Variants in CREB3L3 observed in about 807,000 individuals in gnomAD.
CREB3L3 encodes the protein cAMP responsive element binding protein 3 like 3.
In CREB3L3, 40 loss-of-function variants were observed where a neutral mutation model predicts 44.6. The observed-to-expected ratio is 0.90, with a 90% CI of 0.70 to 1.17. The LOEUF is 1.17. Ranked by LOEUF, CREB3L3 falls within the 50% of genes most tolerant of loss-of-function variation. CREB3L3 has a pLI of 0.00. For missense variants in CREB3L3, 578 were observed against 595.8 expected (o/e 0.97, Z 0.31); for synonymous variants, 273 against 256.3 (o/e 1.06, Z -0.62).
rs1568277037 is a variant in CREB3L3, at chr19:4,154,913, CT to C, written c.43del (p.Cys15AlafsTer23). ...LAAGKMASAA[C>X]SMDPIDSFEL... ...TCGCGCCCCAGATGGCTTCTGCTGC[CT>C]GCTCCATGGACCCCATCGACAGCTT... On this transcript the variant is annotated frameshift_variant, in exon 2 of 10. Coordinates refer to ENST00000078445, the MANE Select transcript of CREB3L3 (RefSeq NM_032607.3). LOFTEE classifies it high-confidence loss of function. 1 of 1,613,714 alleles carries C rather than the reference CT, an allele frequency of 6.2e-7. No individual in the cohort carries two copies. Among genetic ancestry groups the C allele is most frequent in the East Asian group, 2.2e-5 (1 of 44,896 alleles).
Position 4,171,708 on chromosome 19 carries a change from T to G in CREB3L3, c.1125T>G (p.Ala375=). 8.1e-6 allele frequency: 13 copies of G among 1,613,310 alleles called. No homozygotes were observed. Among genetic ancestry groups the G allele is most frequent in the Non-Finnish European group, 1.1e-5 (13 of 1,180,018 alleles). The change falls in exon 10 of 10, where the codon GCT becomes GCG. Residue 375 remains alanine, a synonymous_variant. Transcript: ENST00000078445. The surrounding 1 kb of genome is among the most constrained non-coding windows in gnomAD (Gnocchi z 4.9). ...CTGCCTCCCGCGTGGCTGCTGATGC[T>G]GTGCCAGGCTCCGAGGCCCCAGGAC... ...NDAASRVAAD[A]VPGSEAPGPR... is the part of the protein sequence containing the mutation.
In CREB3L3 at chr19:4,171,088, A is replaced by G; in HGVS notation, c.891-3A>G. On this transcript the variant is annotated splice_region_variant and splice_polypyrimidine_tract_variant and intron_variant, in intron 7 of 9. Transcript: ENST00000078445. This position sits in a 1 kb window ranked among gnomAD's most constrained non-coding sequence, Gnocchi z 4.9. Reference sequence around the variant, plus strand: ...TCAGCGGAGGCCTGCCTGTCTCTCTAAGGTCCCTCTTGGAGCAACTGAAGA... The same window carrying G: ...TCAGCGGAGGCCTGCCTGTCTCTCTGAGGTCCCTCTTGGAGCAACTGAAGA... 1 of 1,613,176 alleles carries G rather than the reference A, an allele frequency of 6.2e-7. No individual in the cohort carries two copies. Among genetic ancestry groups the G allele is most frequent in the African/African-American group, 1.3e-5 (1 of 75,002 alleles).
intron 7 of CREB3L3, among the ~76,000 whole-genome samples, 153 bp from the exon 8 acceptor site, chr19:4,170,934 CAAAT>C (rs968725271): frequency 2.7e-5 from 4 of 147,146 alleles, no homozygotes; most frequent in African/African-American, 1.0e-4. Context: ...AATAAATAAA[CAAAT>C]AAATAAATAA....
intron 3 of CREB3L3, among the ~76,000 whole-genome samples, chr19:4,157,716 C>T (rs2041604241): frequency 6.6e-6 from 1 of 151,954 alleles, no homozygotes; most frequent in Non-Finnish European, 1.5e-5. Flanking sequence ...GACAGAGTTT[C>T]ACTCTGTCAC....
intron 5 of CREB3L3, among the ~76,000 whole-genome samples, chr19:4,167,339 A>AAAGAAAGG (rs1381994343): frequency 1.0e-5 from 1 of 95,310 alleles, no homozygotes; most frequent in Non-Finnish European, 2.2e-5. Flanking sequence ...GCGAAACAAG[A>AAAGAAAGG]AAGAAAGAAA....
chr19:4,157,359 G>C (rs564064429), intron 3 of CREB3L3, 64 bp downstream of exon 3: 1 of 1,564,636 alleles, frequency 6.4e-7, no homozygotes, highest in Non-Finnish European at 8.8e-7. Flanking sequence ...CTGTAAGTGA[G>C]GAAATGGAGG....
Position 4,171,883 on chromosome 19 carries a change from C to T in CREB3L3, c.1300C>T (p.Gln434Ter). Residue 434 changes from glutamine (Q) to a stop codon, truncating the protein, a stop_gained, in exon 10 of 10, where the codon CAG (glutamine) becomes TAG (stop). Coordinates refer to ENST00000078445, the MANE Select transcript of CREB3L3 (RefSeq NM_032607.3). LOFTEE classifies it low-confidence loss of function (END_TRUNC). The surrounding 1 kb of genome is among the most constrained non-coding windows in gnomAD (Gnocchi z 4.9). ...GAGGAATGCAACAGAGGGGCTGGGC[C>T]AGGTCGCCCTGCTGGACTGGGTGGC... The part of the protein sequence containing the change: ...VLRNATEGLG[Q>*]VALLDWVAPG... 3 of 1,613,160 alleles carry T rather than the reference C, an allele frequency of 1.9e-6. No homozygotes were observed. The highest frequency in any genetic ancestry group is 2.5e-6 in the Non-Finnish European group (3 of 1,179,898).
At chr19:4,167,977 A>ATTTATTT (rs1966955631) in intron 5 of CREB3L3, among the ~76,000 whole-genome samples, 2 of 124,242 alleles carry the variant, frequency 1.6e-5, no homozygotes, top group African/African-American at 5.7e-5. Context: ...TAATTATTTT[A>ATTTATTT]TTTATTTATT....
Position 4,172,874 on chromosome 19 carries a change from C to T in CREB3L3, c.*905C>T. ...ACGCACACACACAACAGATGCGCAG[C>T]AACTCCCCGCCCAGGGACCCCTCCC... On this transcript the variant is annotated 3_prime_UTR_variant, in exon 10 of 10. Coordinates refer to ENST00000078445, the MANE Select transcript of CREB3L3 (RefSeq NM_032607.3). 6.5e-6 allele frequency: 1 copy of T among 153,854 alleles called. No individual in the cohort carries two copies. 9.5% of individuals were successfully genotyped at this position (153,854 alleles called of 1,614,324 possible).
chr19:4,164,374 C>A, intron 4 of CREB3L3, 129 bp from the exon 5 acceptor site: 3 of 1,137,034 alleles, frequency 2.6e-6, no homozygotes, highest in Non-Finnish European at 3.9e-6. Context: ...TCTCTAAGTG[C>A]TGGGATGACA....
In CREB3L3 at chr19:4,172,250, C is replaced by G. The variant is rs968682921; in HGVS notation, c.*281C>G. 10 of 564,900 alleles carry G rather than the reference C, an allele frequency of 1.8e-5. No homozygotes were observed. In the African/African-American group the frequency reaches 1.9e-4, roughly 11 times the overall value. The allele number at this position is 564,900 out of a possible 1,614,324, so 35.0% of individuals were successfully genotyped here. On this transcript the variant is annotated 3_prime_UTR_variant, in exon 10 of 10. Transcript: ENST00000078445. The stretch of plus-strand genomic sequence containing the variant: ...AGACACACATACAGCCTGAAACAGA[C>G]CTGGACAGACAGACACAGCCTGAAA...
At chr19:4,158,068 G>A (rs936402730) in intron 3 of CREB3L3, among the ~76,000 whole-genome samples, 2 of 152,172 alleles carry the variant, frequency 1.3e-5, no homozygotes, top group South Asian at 2.1e-4. Context: ...CAGCAGATCA[G>A]TAATGATTTA....
chr19:4,158,688 C>A (rs2041619768), intron 3 of CREB3L3, among the ~76,000 whole-genome samples: 1 of 151,696 alleles, frequency 6.6e-6, no homozygotes, highest in East Asian at 1.9e-4. Context: ...GTAGTCTCAG[C>A]TACTCGGGAG....
Position 4,153,713 on chromosome 19 carries a change from C to T in CREB3L3, c.-35C>T, listed in dbSNP as rs1335031083. 6 of 1,613,812 alleles carry T rather than the reference C, an allele frequency of 3.7e-6. No homozygotes were observed. In the South Asian group the frequency reaches 4.4e-5, roughly 12 times the overall value. ...GGGCCTCCAGCTTGGAGCAGAGACCCCCCGAGGCATCTGCAGACAGAACTG... is the reference window on the plus strand; with the variant it reads ...GGGCCTCCAGCTTGGAGCAGAGACCTCCCGAGGCATCTGCAGACAGAACTG... On this transcript the variant is annotated 5_prime_UTR_variant, in exon 1 of 10. Coordinates refer to ENST00000078445, the MANE Select transcript of CREB3L3 (RefSeq NM_032607.3).
Position 4,171,839 on chromosome 19 carries a change from A to G in CREB3L3, c.1256A>G (p.Asp419Gly), listed in dbSNP as rs777051979. Residue 419 changes from aspartate (D) to glycine (G), a missense_variant, in exon 10 of 10, where the codon GAC becomes GGC. Asp to Gly is a moderately conservative substitution (Grantham distance 94). Transcript: ENST00000078445. This position sits in a 1 kb window ranked among gnomAD's most constrained non-coding sequence, Gnocchi z 4.9. ...ANLTNSTEEL[D>G]NATLVLRNAT... is the part of the protein sequence containing the mutation. ...CTGACCAATTCGACGGAGGAGCTGGACAACGCCACCCTGGTCCTGAGGAAT... is the reference window on the plus strand; with the variant it reads ...CTGACCAATTCGACGGAGGAGCTGGGCAACGCCACCCTGGTCCTGAGGAAT... 1.9e-6 allele frequency: 3 copies of G among 1,613,544 alleles called. No individual in the cohort carries two copies. In the African/African-American group the frequency reaches 4.0e-5, roughly 22 times the overall value.
intron 4 of CREB3L3, among the ~76,000 whole-genome samples, chr19:4,161,490 G>A (rs1375636691): frequency 6.6e-6 from 1 of 152,156 alleles, no homozygotes; most frequent in African/African-American, 2.4e-5. Flanking sequence ...ATGCTACACA[G>A]CTGATGCAGG....
intron 4 of CREB3L3, among the ~76,000 whole-genome samples, chr19:4,162,449 C>T (rs1568281044): frequency 7.0e-6 from 1 of 142,776 alleles, no homozygotes; most frequent in Non-Finnish European, 1.5e-5. Flanking sequence ...AAAAATGATG[C>T]ATTTATAAAT....
intron 5 of CREB3L3, among the ~76,000 whole-genome samples, chr19:4,165,244 T>G (rs1454975133): frequency 1.3e-5 from 2 of 151,554 alleles, no homozygotes. Flanking sequence ...CATAGCTCAC[T>G]TCAGCCTTGA....
intron 4 of CREB3L3, among the ~76,000 whole-genome samples, chr19:4,162,940 G>A (rs1310556216): frequency 6.6e-6 from 1 of 152,126 alleles, no homozygotes. Context: ...GAGCACCACG[G>A]CACTCCAACC....
Sources: allele counts gnomAD v4.1 joint callset (sites outside exome capture counted in the v4.1 genomes callset), GRCh38; gene constraint gnomAD v4.1.1; non-coding constraint Gnocchi (gnomAD v3.1); transcripts MANE v1.5; gene names NCBI Gene and HGNC (gene_info 2026-07-23, HGNC 2026-07-21).